Variants in RBFA observed in about 807,000 individuals in gnomAD.
RBFA encodes ribosome binding factor A.
RBFA carries 16 observed loss-of-function variants against 27.9 expected under a neutral mutation model. That is an observed-to-expected ratio of 0.57 (90% CI 0.39 to 0.87). The LOEUF (loss-of-function observed/expected upper bound fraction) is 0.87. Ranked by LOEUF, RBFA falls within the 40% of genes least tolerant of loss-of-function variation. The pLI, the probability that RBFA is intolerant of heterozygous loss-of-function variation, is 0.00. For missense variants in RBFA, 456 were observed against 432.1 expected (o/e 1.06, Z -0.49); for synonymous variants, 181 against 181.0 (o/e 1.00, Z 0.00).
chr18:80,045,265 C>T (rs1232650986), intron 6 of RBFA, among the ~76,000 whole-genome samples: 2 of 143,010 alleles, frequency 1.4e-5, no homozygotes, highest in South Asian at 2.2e-4. Flanking sequence ...CTCACTCTGT[C>T]GCCCAGGTTA....
rs1393315125 is a variant in RBFA at position 80,045,125 on chromosome 18, C to T, written c.651-649C>T. On this transcript the variant is annotated intron_variant, in intron 6 of 6. Transcript: ENST00000306735. ...TGCTGTTCACCAAGAATAGACTCTT[C>T]ATGAAGGCGAATGAGTGGCAGGTCT... Among the ~76,000 whole-genome samples, 3 of 152,128 alleles carry T rather than the reference C, an allele frequency of 2.0e-5. No individual in the cohort carries two copies. The East Asian group carries it at 5.8e-4, about 29-fold the overall frequency.
chr18:80,046,227 G>C lies in RBFA; in HGVS notation c.*72G>C. The stretch of plus-strand genomic sequence containing the variant: ...ACGCAACGCAGCATGTGGCTTCATT[G>C]AGGCAGTTGATGGAGTTAAACCATC... On this transcript the variant is annotated 3_prime_UTR_variant, in exon 7 of 7. Coordinates refer to ENST00000306735, the MANE Select transcript of RBFA (RefSeq NM_024805.3). 1 of 1,511,064 alleles carries C rather than the reference G, an allele frequency of 6.6e-7. No homozygotes were observed. The highest frequency in any genetic ancestry group is 1.3e-5 in the South Asian group (1 of 76,822). 93.6% of individuals were successfully genotyped at this position (1,511,064 alleles called of 1,614,324 possible). A position where few individuals can be genotyped will look rare whatever the true frequency, so the allele number is the denominator to read the frequency against.
rs978467558 is a variant in RBFA, at chr18:80,047,824, C to T, written c.*1669C>T. Among the ~76,000 whole-genome samples the T allele has an allele frequency of 3.3e-5, 5 of 152,134 alleles. No individual in the cohort carries two copies. The highest frequency in any genetic ancestry group is 1.2e-4 in the African/African-American group (5 of 41,416). ...TTCTGGTAGCCAGTTGCGGGGTGTC[C>T]AGTGAAGGGGTGTACATGTCTGTGG... On this transcript the variant is annotated 3_prime_UTR_variant, in exon 7 of 7. Transcript: ENST00000306735.
In RBFA at chr18:80,046,414, C is replaced by CAGG; in HGVS notation, c.*259_*260insAGG. On this transcript the variant is annotated 3_prime_UTR_variant, in exon 7 of 7. Transcript: ENST00000306735. ...AAAAGAAAATGGTAAAATAGTGTCT[C>CAGG]TGAGATGCTGGCATGGCCACCTCCA... is the stretch of plus-strand genomic sequence containing the variant. 2.2e-6 allele frequency: 1 copy of CAGG among 454,528 alleles called. No homozygotes were observed. Among genetic ancestry groups the CAGG allele is most frequent in the East Asian group, 4.5e-5 (1 of 22,332 alleles). The allele number at this position is 454,528 out of a possible 1,614,324, so 28.2% of individuals were successfully genotyped here. A position where few individuals can be genotyped will look rare whatever the true frequency, so the allele number is the denominator to read the frequency against.
In RBFA at chr18:80,046,176, C is replaced by G; in HGVS notation, c.*21C>G. On this transcript the variant is annotated 3_prime_UTR_variant, in exon 7 of 7. Transcript: ENST00000306735. The stretch of plus-strand genomic sequence containing the variant: ...AGTAGATGGAGAGGCTCTGCCCATC[C>G]CACATTTGCAGGGAAAAGCATTGGC... 6.2e-7 allele frequency: 1 copy of G among 1,605,420 alleles called. No individual in the cohort carries two copies. Among genetic ancestry groups the G allele is most frequent in the South Asian group, 1.1e-5 (1 of 90,352 alleles).
Position 80,037,357 on chromosome 18 carries a change from C to T in RBFA, c.229C>T (p.Leu77Phe). 1.2e-6 allele frequency: 2 copies of T among 1,613,954 alleles called. No individual in the cohort carries two copies. Among genetic ancestry groups the T allele is most frequent in the East Asian group, 2.2e-5 (1 of 44,876 alleles). Residue 77 changes from leucine (L) to phenylalanine (F), a missense_variant, in exon 3 of 7, where the codon CTC (leucine) becomes TTC (phenylalanine). Leu to Phe is a conservative substitution (Grantham distance 22, BLOSUM62 0). Transcript: ENST00000306735. The stretch of plus-strand genomic sequence containing the variant: ...TTACAAACCATCCAAGTTGGAATTC[C>T]TCATGAGGAGCACCTCAAAGAAAAC... ...STYKPSKLEF[L>F]MRSTSKKTRK... is the part of the protein sequence containing the mutation.
chr18:80,036,427 A>G (rs766060998), intron 1 of RBFA, among the ~76,000 whole-genome samples: 1 of 152,102 alleles, frequency 6.6e-6, no homozygotes, highest in Non-Finnish European at 1.5e-5. Context: ...CCTCTCTCTA[A>G]CCTTGGGACT....
chr18:80,042,302 C>A, intron 5 of RBFA, 83 bp downstream of exon 5: 4 of 844,308 alleles, frequency 4.7e-6, no homozygotes, highest in Non-Finnish European at 6.8e-6. Context: ...ATTGTCCAGG[C>A]TAGTCTTGAA....
At position 80,050,464 on chromosome 18, in the gene RBFA, C is replaced by T. The variant is rs745554593; in HGVS notation, c.*4309C>T. Among the ~76,000 whole-genome samples, 1 of 152,152 alleles carries T rather than the reference C, an allele frequency of 6.6e-6. No homozygotes were observed. Reference sequence around the variant, plus strand: ...TCATGGAGACTGGGGCACCCATCCCCTCAAGCATTTATCCTTTGTGCCACA... The same window carrying T: ...TCATGGAGACTGGGGCACCCATCCCTTCAAGCATTTATCCTTTGTGCCACA... On this transcript the variant is annotated 3_prime_UTR_variant, in exon 7 of 7. Coordinates refer to ENST00000306735, the MANE Select transcript of RBFA (RefSeq NM_024805.3).
At chr18:80,038,157 A>G (rs775462670) in intron 3 of RBFA, among the ~76,000 whole-genome samples, 16 of 152,022 alleles carry the variant, frequency 1.1e-4, no homozygotes, top group Non-Finnish European at 1.6e-4. Flanking sequence ...ACTTCCTCTG[A>G]CCCACTCAGT....
intron 4 of RBFA, chr18:80,041,592 G>A (rs1369936017): frequency 6.6e-6 from 1 of 152,232 alleles, no homozygotes; most frequent in Admixed American, 6.5e-5. Flanking sequence ...GTTGCGTTGA[G>A]AAAAGTCAAG....
Position 80,034,554 on chromosome 18 carries a change from G to A in RBFA, c.59G>A (p.Arg20His). 11 of 1,608,330 alleles carry A rather than the reference G, an allele frequency of 6.8e-6. No individual in the cohort carries two copies. Among genetic ancestry groups the A allele is most frequent in the Non-Finnish European group, 9.3e-6 (11 of 1,178,838 alleles). The part of the protein sequence containing the change: ...RSRAGLRALF[R>H]SRDAALFPGC... ...CGCGCGGGTCTCCGGGCCCTGTTCCGTAGCCGCGATGCTGCGCTATTTCCA... is the reference window on the plus strand; with the variant it reads ...CGCGCGGGTCTCCGGGCCCTGTTCCATAGCCGCGATGCTGCGCTATTTCCA... Residue 20 changes from arginine (R) to histidine (H), a missense_variant, in exon 1 of 7, where the codon CGT becomes CAT. Arg to His is a conservative substitution (Grantham distance 29). Transcript: ENST00000306735.
Position 80,045,844 on chromosome 18 carries a change from C to G in RBFA, c.721C>G (p.His241Asp). ...AAGCTCCAGTCTGTGTGGGATCGAT[C>G]ATGAGGCGCTCAACAAGCAGATTAT... Reference protein sequence around the residue: ...TTSSSLCGIDHEALNKQIMEY... With the variant: ...TTSSSLCGIDDEALNKQIMEY... The change falls in exon 7 of 7, where the codon CAT becomes GAT. Residue 241 changes from histidine (H) to aspartate (D), a missense_variant. Physicochemically the swap from His to Asp is moderately conservative, Grantham distance 81. Transcript: ENST00000306735. The G allele has an allele frequency of 6.4e-7, 1 of 1,574,588 alleles. No individual in the cohort carries two copies. Among genetic ancestry groups the G allele is most frequent in the Non-Finnish European group, 8.6e-7 (1 of 1,160,502 alleles).
intron 4 of RBFA, chr18:80,041,618 A>ATG (rs1314595044): frequency 6.6e-6 from 1 of 152,196 alleles, no homozygotes; most frequent in Middle Eastern, 3.2e-3. Context: ...TGCAGTTATG[A>ATG]TGCATTTTGC....
In RBFA at chr18:80,045,844, C is replaced by A; in HGVS notation, c.721C>A (p.His241Asn). ...AAGCTCCAGTCTGTGTGGGATCGATCATGAGGCGCTCAACAAGCAGATTAT... is the reference window on the plus strand; with the variant it reads ...AAGCTCCAGTCTGTGTGGGATCGATAATGAGGCGCTCAACAAGCAGATTAT... The part of the protein sequence containing the change: ...TTSSSLCGID[H>N]EALNKQIMEY... Residue 241 changes from histidine (H) to asparagine (N), a missense_variant, in exon 7 of 7, where the codon CAT (histidine) becomes AAT (asparagine). Coordinates refer to ENST00000306735, the MANE Select transcript of RBFA (RefSeq NM_024805.3). The A allele has an allele frequency of 6.4e-7, 1 of 1,574,588 alleles. No homozygotes were observed.
At chr18:80,038,698 T>G in intron 4 of RBFA, 81 bp downstream of exon 4, 1 of 1,022,246 alleles carries the variant, frequency 9.8e-7, no homozygotes, top group African/African-American at 1.6e-5. Flanking sequence ...TAGGTGGACT[T>G]GAACTTTTCA....
chr18:80,034,845 G>A (rs993241788), intron 1 of RBFA, 192 bp downstream of exon 1: 39 of 580,254 alleles, frequency 6.7e-5, no homozygotes, highest in Admixed American at 1.7e-4. Flanking sequence ...ACGTGTGTCG[G>A]GTTAAGAAAA....
intron 1 of RBFA, 126 bp from the exon 2 acceptor site, chr18:80,036,542 T>A: frequency 1.9e-6 from 1 of 518,954 alleles, no homozygotes; most frequent in Non-Finnish European, 3.4e-6. Flanking sequence ...TTTTTTAAGA[T>A]GTCCAGTAAT....
chr18:80,045,977 G>T lies in RBFA; in HGVS notation c.854G>T (p.Arg285Leu), dbSNP rs768140238. ...AAGGGAAGGAAGAGGGCCAAGCCCC[G>T]CCTGGAGCAGGACAGCTCCCTCAAG... is the stretch of plus-strand genomic sequence containing the variant. ...MKKGRKRAKP[R>L]LEQDSSLKSY... Residue 285 changes from arginine to leucine, a missense_variant, in exon 7 of 7, where the codon CGC (arginine) becomes CTC (leucine). By Grantham distance (102) the Arg-to-Leu change is moderately radical. Transcript: ENST00000306735. 4.3e-6 allele frequency: 7 copies of T among 1,614,156 alleles called. No homozygotes were observed. In the East Asian group the frequency reaches 6.7e-5, roughly 15 times the overall value.
Sources: allele counts gnomAD v4.1 joint callset (sites outside exome capture counted in the v4.1 genomes callset), GRCh38; gene constraint gnomAD v4.1.1; transcripts MANE v1.5; gene names NCBI Gene and HGNC (gene_info 2026-07-23, HGNC 2026-07-21).